The following ARID2 variants were observed in gnomAD, a reference collection of about 807,000 sequenced individuals.
ARID2 encodes the protein AT-rich interaction domain 2, also known as AT-rich interactive domain-containing protein 2.
Under a neutral mutation model 184.6 loss-of-function variants are expected in ARID2, and 32 were observed. The ratio of observed to expected loss-of-function variants is 0.17; its 90% CI spans 0.13 to 0.23. ARID2 has a LOEUF of 0.23. Ranked by LOEUF, ARID2 falls within the 10% of genes least tolerant of loss-of-function variation. The pLI is 1.00. For missense variants in ARID2, 1,696 were observed against 2,197.6 expected (o/e 0.77, Z 4.56); for synonymous variants, 836 against 772.6 (o/e 1.08, Z -1.36).
chr12:45,765,921 G>GAAATC (rs985215386), intron 3 of ARID2, among the ~76,000 whole-genome samples: 2 of 152,048 alleles, frequency 1.3e-5, no homozygotes, highest in Non-Finnish European at 2.9e-5. Flanking sequence ...TTATATAAAT[G>GAAATC]AAATCATACA....
intron 4 of ARID2, among the ~76,000 whole-genome samples, chr12:45,813,504 T>C (rs1250266604): frequency 6.6e-5 from 10 of 151,106 alleles, no homozygotes; most frequent in African/African-American, 2.2e-4. Flanking sequence ...TAATATTAGA[T>C]TGAGAGTATT....
At chr12:45,897,872 TCTCA>T (rs1385239640) in intron 20 of ARID2, among the ~76,000 whole-genome samples, 2 of 151,628 alleles carry the variant, frequency 1.3e-5, no homozygotes, top group Non-Finnish European at 2.9e-5. Flanking sequence ...TGAGACGGGG[TCTCA>T]CTCAGTTGCC....
At chr12:45,862,680 A>G (rs1005539590) in intron 16 of ARID2, among the ~76,000 whole-genome samples, 6 of 152,154 alleles carry the variant, frequency 3.9e-5, no homozygotes, top group African/African-American at 1.2e-4. Context: ...CTCATGTCTA[A>G]AAAGATAAAA....
chr12:45,771,429 T>C (rs1017076367), intron 3 of ARID2, among the ~76,000 whole-genome samples: 2 of 150,410 alleles, frequency 1.3e-5, no homozygotes, highest in Non-Finnish European at 3.0e-5. Flanking sequence ...CCTTGGGAAG[T>C]TGAGGCAGGT....
intron 16 of ARID2, among the ~76,000 whole-genome samples, chr12:45,890,435 A>G (rs1376566935): frequency 1.3e-5 from 2 of 152,248 alleles, no homozygotes; most frequent in Non-Finnish European, 2.9e-5. Context: ...TTATATTGCA[A>G]TTAATGATTT....
At chr12:45,766,623 C>T (rs1194957545) in intron 3 of ARID2, among the ~76,000 whole-genome samples, 2 of 151,898 alleles carry the variant, frequency 1.3e-5, no homozygotes, top group East Asian at 3.9e-4. Context: ...ATGCCCTTCT[C>T]CTGCCTCAGC....
intron 11 of ARID2, among the ~76,000 whole-genome samples, chr12:45,844,844 A>G (rs1420845318): frequency 2.6e-5 from 4 of 152,228 alleles, no homozygotes; most frequent in Non-Finnish European, 5.9e-5. Flanking sequence ...GCATTTAACC[A>G]TAATGCATAA....
At chr12:45,810,049 C>T (rs915598359) in intron 3 of ARID2, among the ~76,000 whole-genome samples, 3 of 152,134 alleles carry the variant, frequency 2.0e-5, no homozygotes, top group Non-Finnish European at 4.4e-5. Flanking sequence ...ATGGACTAAG[C>T]ACCTGCCTAG....
At position 45,907,535 on chromosome 12, in the gene ARID2, G is replaced by A. The variant is rs904384774; in HGVS notation, c.*2457G>A. 1 of 233,080 alleles carries A rather than the reference G, an allele frequency of 4.3e-6. No homozygotes were observed. The highest frequency in any genetic ancestry group is 2.2e-5 in the African/African-American group (1 of 45,306). The allele number at this position is 233,080 out of a possible 1,614,324, so 14.4% of individuals were successfully genotyped here. Reference sequence around the variant, plus strand: ...TAAATGCGTTTGACCTAATGAAACTGATCATGGCTTCCCACTTAGGTTTTT... The same window carrying A: ...TAAATGCGTTTGACCTAATGAAACTAATCATGGCTTCCCACTTAGGTTTTT... On this transcript the variant is annotated 3_prime_UTR_variant, in exon 21 of 21. Transcript: ENST00000334344.
In ARID2 at chr12:45,892,133, A is replaced by G. The variant is rs774426141; in HGVS notation, c.5147+37A>G. On this transcript the variant is annotated intron_variant, in intron 18 of 20. Transcript: ENST00000334344. ...GAGTTTACTTCCTGTTGTACATACA[A>G]AAAGAAACTAGGCAAAACACAAGAA... 3.2e-6 allele frequency: 5 copies of G among 1,582,916 alleles called. No homozygotes were observed. In the Admixed American group the frequency reaches 5.5e-5, roughly 17 times the overall value.
chr12:45,731,415 C>T (rs1940996069), intron 3 of ARID2, 101 bp downstream of exon 3: 2 of 761,386 alleles, frequency 2.6e-6, no homozygotes, highest in Non-Finnish European at 4.5e-6. Flanking sequence ...CCAAACAGTT[C>T]TTAAGCTCTT....
At chr12:45,766,547 T>C (rs1022893523) in intron 3 of ARID2, among the ~76,000 whole-genome samples, 9 of 151,404 alleles carry the variant, frequency 5.9e-5, no homozygotes, top group Admixed American at 1.3e-4. Context: ...AGAATCTTGC[T>C]CTGTCACCCT....
At position 45,905,768 on chromosome 12, in the gene ARID2, C is replaced by T; in HGVS notation, c.*690C>T. The T allele has an allele frequency of 4.3e-6, 1 of 232,902 alleles. No homozygotes were observed. Among genetic ancestry groups the T allele is most frequent in the East Asian group, 6.1e-5 (1 of 16,392 alleles). 14.4% of individuals were successfully genotyped at this position (232,902 alleles called of 1,614,324 possible). ...AATACATTCTGTGGTGTCCTAGAAGCATTATTGGTAGGTTCTAAAGTTTTC... is the reference window on the plus strand; with the variant it reads ...AATACATTCTGTGGTGTCCTAGAAGTATTATTGGTAGGTTCTAAAGTTTTC... On this transcript the variant is annotated 3_prime_UTR_variant, in exon 21 of 21. Transcript: ENST00000334344.
At chr12:45,893,863 C>T (rs1268472459) in intron 20 of ARID2, 142 bp downstream of exon 20, 2 of 670,910 alleles carry the variant, frequency 3.0e-6, no homozygotes, top group African/African-American at 1.9e-5. Flanking sequence ...ATGCCTAGGT[C>T]AGGCCATGAT....
At chr12:45,741,574 A>G (rs1329856053) in intron 3 of ARID2, among the ~76,000 whole-genome samples, 2 of 149,248 alleles carry the variant, frequency 1.3e-5, no homozygotes, top group South Asian at 2.1e-4. Context: ...TATGTTATGC[A>G]GTGGTTAAAA....
intron 11 of ARID2, chr12:45,841,250 T>C (rs1943337984): frequency 6.6e-6 from 1 of 152,212 alleles, no homozygotes; most frequent in East Asian, 1.9e-4. Context: ...TTCACAGTTC[T>C]TTTGACCTCA....
intron 3 of ARID2, among the ~76,000 whole-genome samples, chr12:45,783,758 CAGTT>C (rs1208825722): frequency 6.6e-6 from 1 of 152,186 alleles, no homozygotes; most frequent in Non-Finnish European, 1.5e-5. Context: ...CCTAACAGGT[CAGTT>C]AGTACCAGTC....
chr12:45,905,429 G>T lies in ARID2; in HGVS notation c.*351G>T. The T allele has an allele frequency of 4.2e-6, 1 of 238,398 alleles. No homozygotes were observed. The highest frequency in any genetic ancestry group is 8.2e-6 in the Non-Finnish European group (1 of 121,606). 14.8% of individuals were successfully genotyped at this position (238,398 alleles called of 1,614,324 possible). A position where few individuals can be genotyped will look rare whatever the true frequency, so the allele number is the denominator to read the frequency against. ...ACATGGAATATTGTAAAACCTACAT[G>T]AGCAGATGAAATAGAAGCATTAAAT... On this transcript the variant is annotated 3_prime_UTR_variant, in exon 21 of 21. Coordinates refer to ENST00000334344, the MANE Select transcript of ARID2 (RefSeq NM_152641.4).
intron 4 of ARID2, among the ~76,000 whole-genome samples, chr12:45,816,450 A>C (rs556259905): frequency 6.6e-6 from 1 of 152,226 alleles, no homozygotes; most frequent in Non-Finnish European, 1.5e-5. Flanking sequence ...ATGGAGAGCA[A>C]TAGGAACTCT....
Sources: gnomAD v4.1 joint callset for allele counts (sites outside exome capture counted in the v4.1 genomes callset) on GRCh38, gnomAD v4.1.1 for gene constraint, MANE v1.5 for transcripts, NCBI Gene and HGNC (gene_info 2026-07-23, HGNC 2026-07-21) for gene names.